Variants in LYPLA1 observed in about 807,000 individuals in gnomAD.
LYPLA1 encodes the protein acyl-protein thioesterase 1.
A neutral mutation model predicts 34.0 loss-of-function variants in LYPLA1; 17 were observed. The ratio of observed to expected loss-of-function variants is 0.50; its 90% CI spans 0.34 to 0.75. LYPLA1 has a LOEUF of 0.75. LYPLA1 is among the 30% of genes least tolerant of loss of function. The probability of loss-of-function intolerance (pLI) is 0.01; values close to 1 mark genes in which losing one functional copy is unlikely to be tolerated. For synonymous variants in LYPLA1, 98 were observed against 100.8 expected (o/e 0.97, Z 0.17); for missense variants, 203 against 288.8 (o/e 0.70, Z 2.15).
intron 3 of LYPLA1, among the ~76,000 whole-genome samples, chr8:54,064,725 C>T (rs184381995): frequency 1.3e-4 from 20 of 152,302 alleles, no homozygotes; most frequent in African/African-American, 4.6e-4. Context: ...TTCTCAGCAA[C>T]TTTTTGACCT....
intron 4 of LYPLA1, among the ~76,000 whole-genome samples, chr8:54,062,889 A>T (rs1219735442): frequency 6.6e-6 from 1 of 152,188 alleles, no homozygotes; most frequent in Non-Finnish European, 1.5e-5. Context: ...TGGAAGTAGC[A>T]CATAGGAACA....
chr8:54,077,207 T>C (rs2129346185), intron 2 of LYPLA1, among the ~76,000 whole-genome samples: 1 of 151,650 alleles, frequency 6.6e-6, no homozygotes, highest in South Asian at 2.1e-4. Flanking sequence ...TGGATGGAAC[T>C]GGAGGCCATT....
In LYPLA1 at chr8:54,079,111, G is replaced by C. The variant is rs185881141; in HGVS notation, c.102-13298C>G. Among the ~76,000 whole-genome samples, 492 of 152,056 alleles carry C rather than the reference G, an allele frequency of 3.2e-3. 1 individual carries two copies. Among genetic ancestry groups the C allele is most frequent in the African/African-American group, 0.011 (467 of 41,470 alleles). On this transcript the variant is annotated intron_variant, in intron 2 of 8. Transcript: ENST00000316963. Reference sequence around the variant, plus strand: ...TCGTGCCTTAGCCTCCTGAGTAGTTGGGATACAGGTGCCCACCACCAAGGC... The same window carrying C: ...TCGTGCCTTAGCCTCCTGAGTAGTTCGGATACAGGTGCCCACCACCAAGGC...
chr8:54,061,132 G>A (rs925944975), intron 5 of LYPLA1, among the ~76,000 whole-genome samples: 5 of 151,502 alleles, frequency 3.3e-5, no homozygotes, highest in African/African-American at 1.2e-4. Flanking sequence ...CCAAGCCTGA[G>A]TGCAATGGCG....
chr8:54,101,621 C>A (rs1311450321), intron 1 of LYPLA1, 134 bp downstream of exon 1: 3 of 1,146,860 alleles, frequency 2.6e-6, no homozygotes, highest in South Asian at 4.3e-5. Context: ...GCGGACCATT[C>A]GCACCCCACC....
chr8:54,089,519 T>C (rs1809063716), intron 2 of LYPLA1, among the ~76,000 whole-genome samples: 1 of 146,952 alleles, frequency 6.8e-6, no homozygotes, highest in East Asian at 2.1e-4. Context: ...TTTGAACATA[T>C]GTGACAATAC....
intron 2 of LYPLA1, chr8:54,073,588 C>A (rs1018560346): frequency 9.3e-5 from 52 of 556,744 alleles, no homozygotes; most frequent in South Asian, 1.5e-4. Context: ...GACCTATTTA[C>A]AGAAGTATAA....
intron 7 of LYPLA1, 104 bp from the exon 8 acceptor site, chr8:54,051,292 G>C (rs1805827477): frequency 2.0e-6 from 2 of 1,007,468 alleles, no homozygotes; most frequent in Non-Finnish European, 1.4e-6. Flanking sequence ...TAACATATTA[G>C]AAGTTACATT....
intron 2 of LYPLA1, among the ~76,000 whole-genome samples, chr8:54,086,037 T>A (rs1355003429): frequency 6.6e-6 from 1 of 152,162 alleles, no homozygotes; most frequent in Non-Finnish European, 1.5e-5. Flanking sequence ...TTACTGTCTG[T>A]GTAGAAAGAA....
At chr8:54,095,958 T>C (rs148986388) in intron 2 of LYPLA1, among the ~76,000 whole-genome samples, 1 of 152,260 alleles carries the variant, frequency 6.6e-6, no homozygotes, top group East Asian at 1.9e-4. Flanking sequence ...GTAGAGGCAA[T>C]ATGTGATCCT....
intron 2 of LYPLA1, among the ~76,000 whole-genome samples, chr8:54,099,000 G>A (rs1809903316): frequency 6.6e-6 from 1 of 152,140 alleles, no homozygotes; most frequent in Non-Finnish European, 1.5e-5. Flanking sequence ...TAAAAAGAAG[G>A]ATACTTTTTT....
intron 6 of LYPLA1, 42 bp downstream of exon 6, chr8:54,055,018 G>A: frequency 8.6e-7 from 1 of 1,164,236 alleles, no homozygotes; most frequent in Non-Finnish European, 1.3e-6. Flanking sequence ...TTCTAAATAA[G>A]TATACTGATG....
chr8:54,089,009 G>A (rs932070378), intron 2 of LYPLA1, among the ~76,000 whole-genome samples: 1 of 152,196 alleles, frequency 6.6e-6, no homozygotes, highest in African/African-American at 2.4e-5. Flanking sequence ...CCATTTCTAC[G>A]CAGAATAAGC....
chr8:54,060,984 C>T (rs1015023612), intron 5 of LYPLA1, among the ~76,000 whole-genome samples: 3 of 151,876 alleles, frequency 2.0e-5, no homozygotes, highest in Non-Finnish European at 2.9e-5. Flanking sequence ...CGTGAGCCAC[C>T]GCACTTGACC....
chr8:54,073,758 T>C (rs1299221607), intron 2 of LYPLA1, among the ~76,000 whole-genome samples: 3 of 152,172 alleles, frequency 2.0e-5, no homozygotes, highest in East Asian at 3.8e-4. Context: ...CTCTTTGCCC[T>C]GCCCTCCCCC....
chr8:54,096,898 C>A (rs961183351), intron 2 of LYPLA1, among the ~76,000 whole-genome samples: 3 of 151,772 alleles, frequency 2.0e-5, no homozygotes, highest in Admixed American at 2.0e-4. Flanking sequence ...GGTGACAGAG[C>A]GAGATTCTGT....
intron 6 of LYPLA1, among the ~76,000 whole-genome samples, chr8:54,054,299 G>C (rs1417121397): frequency 6.6e-6 from 1 of 152,040 alleles, no homozygotes; most frequent in Non-Finnish European, 1.5e-5. Flanking sequence ...ATTAATTTCT[G>C]TCCCTATGTT....
intron 5 of LYPLA1, among the ~76,000 whole-genome samples, chr8:54,057,134 G>A (rs756111693): frequency 3.9e-5 from 6 of 152,124 alleles, no homozygotes; most frequent in Admixed American, 6.5e-5. Context: ...GGAGAAAAGA[G>A]AACCCTCATA....
chr8:54,085,510 C>T (rs1214687236), intron 2 of LYPLA1, among the ~76,000 whole-genome samples: 6 of 151,754 alleles, frequency 4.0e-5, no homozygotes, highest in African/African-American at 4.8e-5. Flanking sequence ...TCTTCCCGGC[C>T]GTCATCCCGT....
Sources: gnomAD v4.1 joint callset for allele counts (sites outside exome capture counted in the v4.1 genomes callset) on GRCh38, gnomAD v4.1.1 for gene constraint, MANE v1.5 for transcripts, NCBI Gene and HGNC (gene_info 2026-07-23, HGNC 2026-07-21) for gene names.